The following SDK1 variants were observed in gnomAD, a reference collection of about 807,000 sequenced individuals.
SDK1 encodes sidekick cell adhesion molecule 1, also known as protein sidekick-1.
SDK1 carries 157 observed loss-of-function variants against 245.5 expected under a neutral mutation model. The ratio of observed to expected loss-of-function variants is 0.64; its 90% CI spans 0.56 to 0.73. The LOEUF (loss-of-function observed/expected upper bound fraction) is 0.73, where lower values mean the gene tolerates loss of function less well. Ranked by LOEUF, SDK1 falls within the 30% of genes least tolerant of loss-of-function variation. SDK1 has a pLI of 0.00. For missense variants in SDK1, 3,583 were observed against 3,002.3 expected (o/e 1.19, Z -4.52); for synonymous variants, 1,647 against 1,278.5 (o/e 1.29, Z -6.15).
intron 20 of SDK1, among the ~76,000 whole-genome samples, chr7:4,073,195 G>T (rs1405850123): frequency 1.3e-5 from 2 of 152,162 alleles, no homozygotes; most frequent in Non-Finnish European, 2.9e-5. Context: ...GCTGGAAGCA[G>T]AGGATGCATC....
intron 14 of SDK1, among the ~76,000 whole-genome samples, chr7:3,993,390 G>A (rs1251929505): frequency 1.3e-5 from 2 of 152,006 alleles, no homozygotes; most frequent in Non-Finnish European, 2.9e-5. Context: ...GCTGTTGTAT[G>A]TCTTGTGGTA....
At chr7:3,525,003 G>GA (rs1466233975) in intron 1 of SDK1, among the ~76,000 whole-genome samples, 1 of 151,898 alleles carries the variant, frequency 6.6e-6, no homozygotes. Flanking sequence ...GAAATAGGTG[G>GA]AAAAAAACCA....
intron 2 of SDK1, among the ~76,000 whole-genome samples, chr7:3,638,334 C>G (rs1001054760): frequency 6.6e-6 from 1 of 152,012 alleles, no homozygotes; most frequent in Admixed American, 6.6e-5. Flanking sequence ...CACGTGCACA[C>G]GTATGTTTAT....
chr7:4,205,964 G>A lies in SDK1; in HGVS notation c.5184G>A (p.Glu1728=), dbSNP rs758890575. The change falls in exon 36 of 45, where the codon GAG becomes GAA. Residue 1728 remains glutamate, a synonymous_variant. Coordinates refer to ENST00000404826, the MANE Select transcript of SDK1 (RefSeq NM_152744.4). ...LEVTWDPPPP[E]SQNGNIQGYK... Reference sequence around the variant, plus strand: ...TCACGTGGGACCCACCACCCCCGGAGAGCCAGAATGGGAACATCCAAGGCT... The same window carrying A: ...TCACGTGGGACCCACCACCCCCGGAAAGCCAGAATGGGAACATCCAAGGCT... 1.2e-5 allele frequency: 19 copies of A among 1,558,724 alleles called. No homozygotes were observed. The South Asian group carries it at 2.3e-4, about 19-fold the overall frequency.
At chr7:3,439,168 T>G (rs564189175) in intron 1 of SDK1, among the ~76,000 whole-genome samples, 1 of 152,258 alleles carries the variant, frequency 6.6e-6, no homozygotes, top group African/African-American at 2.4e-5. Flanking sequence ...TTCTATTAAT[T>G]ATCCAACATC....
intron 14 of SDK1, among the ~76,000 whole-genome samples, chr7:3,996,075 G>C (rs1414118660): frequency 5.3e-5 from 8 of 151,680 alleles, no homozygotes; most frequent in Non-Finnish European, 1.2e-4. Context: ...AATTTTTCTG[G>C]AATTTAGGTG....
At chr7:3,883,153 G>T (rs1781247876) in intron 5 of SDK1, among the ~76,000 whole-genome samples, 1 of 152,174 alleles carries the variant, frequency 6.6e-6, no homozygotes, top group Non-Finnish European at 1.5e-5. Flanking sequence ...TGAAGCAGGA[G>T]ATTCACGGGG....
chr7:3,348,846 T>C (rs989339695), intron 1 of SDK1, among the ~76,000 whole-genome samples: 1 of 152,180 alleles, frequency 6.6e-6, no homozygotes, highest in African/African-American at 2.4e-5. Context: ...AGGATGACTT[T>C]TGCTTTTATT....
chr7:3,811,508 C>G lies in SDK1; in HGVS notation c.714-9942C>G, dbSNP rs548157972. Among the ~76,000 whole-genome samples the G allele has an allele frequency of 1.2e-4, 18 of 152,308 alleles. 1 individual carries two copies. The South Asian group carries it at 3.3e-3, about 28-fold the overall frequency. ...CAGGGAGCTTGGTTGGGAGAAGATGCAAGAGCTCTGAGCTCACATCTTCTT... is the reference window on the plus strand; with the variant it reads ...CAGGGAGCTTGGTTGGGAGAAGATGGAAGAGCTCTGAGCTCACATCTTCTT... On this transcript the variant is annotated intron_variant, in intron 4 of 44. Transcript: ENST00000404826.
chr7:3,983,389 C>T (rs1783568337), intron 13 of SDK1, among the ~76,000 whole-genome samples: 1 of 152,196 alleles, frequency 6.6e-6, no homozygotes, highest in African/African-American at 2.4e-5. Flanking sequence ...AGCCCCACCA[C>T]TCCGATCAGT....
intron 4 of SDK1, among the ~76,000 whole-genome samples, chr7:3,679,288 C>T (rs1784021821): frequency 1.3e-5 from 2 of 151,490 alleles, no homozygotes; most frequent in African/African-American, 4.9e-5. Context: ...CAAAGGAGGC[C>T]AGGTGCGGTG....
intron 5 of SDK1, among the ~76,000 whole-genome samples, chr7:3,927,869 A>G (rs1404332678): frequency 6.6e-6 from 1 of 152,242 alleles, no homozygotes; most frequent in African/African-American, 2.4e-5. Flanking sequence ...AAGTTAACAA[A>G]TGGTTGTTCC....
intron 1 of SDK1, among the ~76,000 whole-genome samples, chr7:3,387,279 G>A (rs184875735): frequency 5.9e-5 from 9 of 152,106 alleles, no homozygotes; most frequent in African/African-American, 1.9e-4. Context: ...TAGCCCTCCT[G>A]CCTTGGCCCT....
chr7:3,460,550 ATAAT>A (rs1780802833), intron 1 of SDK1, among the ~76,000 whole-genome samples: 1 of 152,250 alleles, frequency 6.6e-6, no homozygotes, highest in South Asian at 2.1e-4. Context: ...GTGTGTCATA[ATAAT>A]TTATTTACAC....
chr7:3,659,162 C>T (rs1469045558), intron 4 of SDK1, among the ~76,000 whole-genome samples: 2 of 152,148 alleles, frequency 1.3e-5, no homozygotes, highest in Non-Finnish European at 2.9e-5. Context: ...TTAAATATTT[C>T]ACCGGGTTCT....
At chr7:3,414,253 T>A (rs1411545055) in intron 1 of SDK1, among the ~76,000 whole-genome samples, 16 of 151,454 alleles carry the variant, frequency 1.1e-4, no homozygotes, top group African/African-American at 3.9e-4. Context: ...GGAGGAGAAA[T>A]TTGAAGGGTC....
chr7:3,566,108 A>G (rs1045333875), intron 1 of SDK1, among the ~76,000 whole-genome samples: 1 of 152,208 alleles, frequency 6.6e-6, no homozygotes, highest in Non-Finnish European at 1.5e-5. Flanking sequence ...ATCTGAGTAA[A>G]TAGAGTTTTT....
intron 41 of SDK1, among the ~76,000 whole-genome samples, chr7:4,236,248 A>G (rs565917610): frequency 2.5e-4 from 38 of 152,300 alleles, no homozygotes; most frequent in African/African-American, 8.4e-4. Flanking sequence ...CCAGTGCCAC[A>G]GAACCTACTC....
At chr7:3,380,542 A>G (rs1477782000) in intron 1 of SDK1, among the ~76,000 whole-genome samples, 3 of 152,240 alleles carry the variant, frequency 2.0e-5, no homozygotes, top group Non-Finnish European at 2.9e-5. Flanking sequence ...TTGGTGTTGT[A>G]ACACTTGAGA....
Sources: gnomAD v4.1 joint callset for allele counts (sites outside exome capture counted in the v4.1 genomes callset) on GRCh38, gnomAD v4.1.1 for gene constraint, MANE v1.5 for transcripts, NCBI Gene and HGNC (gene_info 2026-07-23, HGNC 2026-07-21) for gene names.